Variants in TNNI3K observed in about 807,000 individuals in gnomAD.
The protein encoded by TNNI3K is serine/threonine-protein kinase TNNI3K.
In TNNI3K, 140 loss-of-function variants were observed where a neutral mutation model predicts 114.5. The ratio of observed to expected loss-of-function variants is 1.22; its 90% CI spans 1.07 to 1.41. TNNI3K has a LOEUF of 1.41. TNNI3K is among the 40% of genes most tolerant of loss of function. The pLI is 0.00. For missense variants in TNNI3K, 1,125 were observed against 1,007.6 expected, an observed-to-expected ratio of 1.12 and a Z score of -1.58; for synonymous variants, 347 against 347.5, an observed-to-expected ratio of 1.00 and a Z score of 0.02.
chr1:74,300,386 A>T (rs933240480), intron 5 of TNNI3K, among the ~76,000 whole-genome samples: 1 of 152,186 alleles, frequency 6.6e-6, no homozygotes, highest in Non-Finnish European at 1.5e-5. Flanking sequence ...CAACATAAAC[A>T]TAATTTTTAG....
At position 74,453,067 on chromosome 1, in the gene TNNI3K, C is replaced by T. The variant is rs45524235; in HGVS notation, c.2012-10374C>T. Reference sequence around the variant, plus strand: ...TTATCATTGCATTTATCACATTTTACTCACAGTTTTGTAATTTTCTCTACT... The same window carrying T: ...TTATCATTGCATTTATCACATTTTATTCACAGTTTTGTAATTTTCTCTACT... On this transcript the variant is annotated intron_variant, in intron 20 of 24. Coordinates refer to ENST00000326637, the MANE Select transcript of TNNI3K (RefSeq NM_015978.3). Among the ~76,000 whole-genome samples the T allele has an allele frequency of 1.4e-3, 208 of 152,238 alleles. 2 individuals carry two copies. Among genetic ancestry groups the T allele is most frequent in the African/African-American group, 4.8e-3 (198 of 41,546 alleles).
At chr1:74,342,800 C>A (rs779540809) in intron 7 of TNNI3K, 42 bp from the exon 8 acceptor site, 2 of 1,609,256 alleles carry the variant, frequency 1.2e-6, no homozygotes, top group South Asian at 1.1e-5. Context: ...GAGAAACAAA[C>A]AATTCTAGAT....
intron 20 of TNNI3K, among the ~76,000 whole-genome samples, chr1:74,459,290 T>C (rs1194670438): frequency 1.3e-5 from 2 of 152,198 alleles, no homozygotes; most frequent in African/African-American, 2.4e-5. Flanking sequence ...GAAGATACAA[T>C]GGTGAAAAGA....
chr1:74,352,882 T>C (rs1471805296), intron 9 of TNNI3K, among the ~76,000 whole-genome samples: 1 of 152,174 alleles, frequency 6.6e-6, no homozygotes, highest in Non-Finnish European at 1.5e-5. Flanking sequence ...TTTCTTTGAC[T>C]AGGAAAGGGA....
chr1:74,527,330 A>G (rs1646516802), intron 23 of TNNI3K, among the ~76,000 whole-genome samples: 1 of 152,234 alleles, frequency 6.6e-6, no homozygotes, highest in African/African-American at 2.4e-5. Flanking sequence ...AAAATTGCAG[A>G]GGAGGAAACA....
chr1:74,388,218 C>T (rs943025593), intron 17 of TNNI3K, among the ~76,000 whole-genome samples: 2 of 151,866 alleles, frequency 1.3e-5, no homozygotes, highest in African/African-American at 4.8e-5. Context: ...GCAGAGGTTG[C>T]AGTGAGCCAA....
At chr1:74,314,762 C>T (rs535944695) in intron 5 of TNNI3K, among the ~76,000 whole-genome samples, 23 of 152,112 alleles carry the variant, frequency 1.5e-4, no homozygotes, top group Admixed American at 2.6e-4. Context: ...GTCTTTGTTT[C>T]CTCTAATTTG....
chr1:74,367,550 C>T (rs1391129915), intron 12 of TNNI3K, among the ~76,000 whole-genome samples: 1 of 151,888 alleles, frequency 6.6e-6, no homozygotes, highest in Non-Finnish European at 1.5e-5. Context: ...CACCAATCTG[C>T]AGCTCCTCCA....
At chr1:74,343,010 A>C (rs746140056) in intron 8 of TNNI3K, 24 bp downstream of exon 8, 2 of 1,613,686 alleles carry the variant, frequency 1.2e-6, no homozygotes, top group Non-Finnish European at 1.7e-6. Context: ...AGCATTCCAT[A>C]GGTTCTCCAG....
chr1:74,314,997 G>C, intron 5 of TNNI3K, among the ~76,000 whole-genome samples: 1 of 152,032 alleles, frequency 6.6e-6, no homozygotes, highest in East Asian at 1.9e-4. Context: ...ATGCCTCTAC[G>C]AAGCCTCTGT....
At chr1:74,462,907 A>G (rs1667511186) in intron 20 of TNNI3K, among the ~76,000 whole-genome samples, 1 of 152,210 alleles carries the variant, frequency 6.6e-6, no homozygotes, top group African/African-American at 2.4e-5. Flanking sequence ...TTTTAAAAAT[A>G]ATAACTACTT....
intron 22 of TNNI3K, among the ~76,000 whole-genome samples, chr1:74,491,507 T>C (rs1669074405): frequency 6.6e-6 from 1 of 152,314 alleles, no homozygotes; most frequent in South Asian, 2.1e-4. Flanking sequence ...CCCAAAGTGC[T>C]GGGATTACAG....
chr1:74,260,306 T>C (rs974743164), intron 4 of TNNI3K, among the ~76,000 whole-genome samples: 2 of 152,208 alleles, frequency 1.3e-5, no homozygotes, highest in African/African-American at 4.8e-5. Context: ...TAAAGGATCC[T>C]TGAGAAATAC....
chr1:74,396,215 G>A (rs1664072665), intron 17 of TNNI3K, among the ~76,000 whole-genome samples: 1 of 152,118 alleles, frequency 6.6e-6, no homozygotes. Context: ...GTAATCTGGG[G>A]GTCATGAAGG....
At chr1:74,426,653 A>G (rs61776248) in intron 17 of TNNI3K, among the ~76,000 whole-genome samples, 9,187 of 151,670 alleles carry the variant, frequency 0.061, 306 homozygotes, top group African/African-American at 0.096. Flanking sequence ...TCACCTCCCC[A>G]TTAGTGTCTA....
At chr1:74,350,035 G>A (rs1661248506) in intron 9 of TNNI3K, among the ~76,000 whole-genome samples, 1 of 152,086 alleles carries the variant, frequency 6.6e-6, no homozygotes, top group South Asian at 2.1e-4. Flanking sequence ...GTTTGCTCTT[G>A]CTTCTCTAGT....
intron 4 of TNNI3K, among the ~76,000 whole-genome samples, chr1:74,251,049 G>T (rs1019711254): frequency 1.3e-5 from 2 of 152,094 alleles, no homozygotes; most frequent in Admixed American, 6.5e-5. Flanking sequence ...TTAGCCAGGG[G>T]TTAGCCAGGA....
chr1:74,467,060 C>A (rs1321836703), intron 21 of TNNI3K, among the ~76,000 whole-genome samples: 3 of 152,090 alleles, frequency 2.0e-5, no homozygotes, highest in Admixed American at 1.3e-4. Flanking sequence ...GTGAAGGCTT[C>A]CCAAAAAGAG....
chr1:74,335,522 C>T (rs1341578), intron 6 of TNNI3K, among the ~76,000 whole-genome samples: 116,918 of 152,016 alleles, frequency 0.77, 47,990 homozygotes, highest in East Asian at 0.91. Context: ...TATCCCCAGC[C>T]ACTGTGTGTT....
Sources: allele counts gnomAD v4.1 joint callset (sites outside exome capture counted in the v4.1 genomes callset), GRCh38; gene constraint gnomAD v4.1.1; transcripts MANE v1.5; gene names NCBI Gene and HGNC (gene_info 2026-07-23, HGNC 2026-07-21).